The following SHISA9 variants were observed in gnomAD, a reference collection of about 807,000 sequenced individuals.
SHISA9 encodes shisa family member 9.
Under a neutral mutation model 38.0 loss-of-function variants are expected in SHISA9, and 13 were observed. The observed-to-expected ratio is 0.34, with a 90% CI of 0.22 to 0.54. The LOEUF (loss-of-function observed/expected upper bound fraction) is 0.54, where lower values mean the gene tolerates loss of function less well. Ranked by LOEUF, SHISA9 falls within the 20% of genes least tolerant of loss-of-function variation. The pLI is 0.91. For missense variants in SHISA9, 538 were observed against 575.8 expected (o/e 0.93, Z 0.67); for synonymous variants, 275 against 242.0 (o/e 1.14, Z -1.27).
the SHISA9 span, among the ~76,000 whole-genome samples, chr16:13,437,906 C>T: frequency 2.0e-5 from 3 of 148,614 alleles, no homozygotes; most frequent in Admixed American, 2.0e-4. Flanking sequence ...ACTGTTTTTG[C>T]CCAGGCTGGA....
the SHISA9 span, among the ~76,000 whole-genome samples, chr16:13,374,413 GTGTT>G: frequency 2.6e-5 from 4 of 152,120 alleles, no homozygotes; most frequent in African/African-American, 9.7e-5. Flanking sequence ...AGAACATGTG[GTGTT>G]TGTTTTTCTG....
At chr16:13,087,408 T>C (rs1356326064) in intron 2 of SHISA9, among the ~76,000 whole-genome samples, 2 of 152,102 alleles carry the variant, frequency 1.3e-5, no homozygotes, top group East Asian at 3.9e-4. Flanking sequence ...CACACTGTCT[T>C]CCACAATGGT....
At chr16:13,220,099 T>C (rs1175732327) in intron 4 of SHISA9, among the ~76,000 whole-genome samples, 1 of 152,212 alleles carries the variant, frequency 6.6e-6, no homozygotes, top group East Asian at 1.9e-4. Context: ...TAACCTCAAA[T>C]CTCATTGCTT....
rs139359755 is a variant in SHISA9, at chr16:12,921,519, T to C, written c.691+4704T>C. On this transcript the variant is annotated intron_variant, in intron 2 of 4. Transcript: ENST00000558583. Reference sequence around the variant, plus strand: ...GCTCAGACCTGTAGTCTCAGTGCTTTAGGAGGCAAAGGCGGGAGGATCGTT... The same window carrying C: ...GCTCAGACCTGTAGTCTCAGTGCTTCAGGAGGCAAAGGCGGGAGGATCGTT... Among the ~76,000 whole-genome samples, 20 of 152,280 alleles carry C rather than the reference T, an allele frequency of 1.3e-4. No individual in the cohort carries two copies. The East Asian group carries it at 3.9e-3, about 29-fold the overall frequency.
intron 2 of SHISA9, among the ~76,000 whole-genome samples, chr16:13,071,452 A>G (rs1308188634): frequency 6.6e-6 from 1 of 151,990 alleles, no homozygotes; most frequent in Non-Finnish European, 1.5e-5. Flanking sequence ...ACATTGAGAA[A>G]TTTCTAGAGG....
At chr16:12,928,724 C>G (rs916751990) in intron 2 of SHISA9, among the ~76,000 whole-genome samples, 1 of 152,172 alleles carries the variant, frequency 6.6e-6, no homozygotes, top group Admixed American at 6.5e-5. Flanking sequence ...TGTGCAAGGG[C>G]AGCATGTGGT....
intron 2 of SHISA9, among the ~76,000 whole-genome samples, chr16:13,019,812 CTTTCTTTCTTTCTTTCTTTCTTTT>C (rs1228159334): frequency 1.1e-4 from 16 of 140,180 alleles, no homozygotes; most frequent in Non-Finnish European, 1.4e-4. Context: ...TTCTTTCTTT[CTTTCTTTCTTTCTTTCTTTCTTTT>C]TCCTTCCTTC....
chr16:13,264,392 C>G, the SHISA9 span, among the ~76,000 whole-genome samples: 1 of 151,942 alleles, frequency 6.6e-6, no homozygotes, highest in Non-Finnish European at 1.5e-5. Flanking sequence ...AGTCTGGTCT[C>G]GAACTCCTGA....
At chr16:12,940,423 C>A (rs1199576989) in intron 2 of SHISA9, among the ~76,000 whole-genome samples, 1 of 148,934 alleles carries the variant, frequency 6.7e-6, no homozygotes, top group Non-Finnish European at 1.5e-5. Context: ...CTAGTCCCCC[C>A]ATAAATGACC....
intron 2 of SHISA9, among the ~76,000 whole-genome samples, chr16:13,099,690 G>T (rs1347773071): frequency 1.3e-5 from 2 of 152,164 alleles, no homozygotes; most frequent in African/African-American, 4.8e-5. Context: ...GGACGGGGTT[G>T]GTGGGGGCAG....
intron 2 of SHISA9, among the ~76,000 whole-genome samples, chr16:12,920,399 C>G (rs945120021): frequency 1.3e-5 from 2 of 151,736 alleles, no homozygotes; most frequent in African/African-American, 2.4e-5. Flanking sequence ...AAGATAGTAC[C>G]CAGAAAAATG....
At chr16:13,225,816 G>A (rs1057010677) in intron 4 of SHISA9, among the ~76,000 whole-genome samples, 1 of 152,192 alleles carries the variant, frequency 6.6e-6, no homozygotes, top group African/African-American at 2.4e-5. Context: ...TGCTAATTAA[G>A]AGAGAGACAG....
At position 13,213,435 on chromosome 16, in the gene SHISA9, CGTCT is replaced by C. The variant is rs1348270711; in HGVS notation, c.895+136_895+139del. 22 of 731,958 alleles carry C rather than the reference CGTCT, an allele frequency of 3.0e-5. No homozygotes were observed. The South Asian group carries it at 3.0e-4, about 10-fold the overall frequency. 45.3% of individuals were successfully genotyped at this position (731,958 alleles called of 1,614,324 possible). A position where few individuals can be genotyped will look rare whatever the true frequency, so the allele number is the denominator to read the frequency against. ...CTGCATAGGGTGGCATCTGCAAGTC[CGTCT>C]AAGTTCCAGTGTGTAGGTGTTTGTG... On this transcript the variant is annotated intron_variant, in intron 4 of 4. Transcript: ENST00000558583.
At chr16:13,023,194 G>A (rs531324531) in intron 2 of SHISA9, among the ~76,000 whole-genome samples, 1 of 151,444 alleles carries the variant, frequency 6.6e-6, no homozygotes, top group Non-Finnish European at 1.5e-5. Context: ...AACAGGCCCT[G>A]GTGTGTGATG....
At chr16:13,428,951 G>C in the SHISA9 span, among the ~76,000 whole-genome samples, 1 of 151,928 alleles carries the variant, frequency 6.6e-6, no homozygotes, top group South Asian at 2.1e-4. Flanking sequence ...TTTTTTAGTA[G>C]AGACCGGGTT....
At chr16:13,365,043 GTGATGATGATAATAAAAGTAATAATAA>G in the SHISA9 span, among the ~76,000 whole-genome samples, 1 of 152,200 alleles carries the variant, frequency 6.6e-6, no homozygotes, top group Non-Finnish European at 1.5e-5. Flanking sequence ...GATGATGGTG[GTGATGATGATAATAAAAGTAATAATAA>G]TAGCTGGCAG....
chr16:12,916,505 T>C (rs2071258927), intron 1 of SHISA9, among the ~76,000 whole-genome samples, 183 bp from the exon 2 acceptor site: 1 of 152,238 alleles, frequency 6.6e-6, no homozygotes, highest in African/African-American at 2.4e-5. Flanking sequence ...GTAAAGTCCC[T>C]ATGTAACCTC....
chr16:12,938,504 C>T lies in SHISA9; in HGVS notation c.691+21689C>T, dbSNP rs568651549. Among the ~76,000 whole-genome samples the T allele has an allele frequency of 2.4e-3, 365 of 149,424 alleles. 1 individual carries two copies. The highest frequency in any genetic ancestry group is 8.6e-3 in the African/African-American group (352 of 40,804). ...GGGCTAATTCTCTCTCTCTCTCTCT[C>T]TTTTTTTTTTGAGATGGAGTTTCAC... On this transcript the variant is annotated intron_variant, in intron 2 of 4. Transcript: ENST00000558583.
chr16:13,035,311 C>T (rs946788382), intron 2 of SHISA9, among the ~76,000 whole-genome samples: 2 of 152,116 alleles, frequency 1.3e-5, no homozygotes, highest in African/African-American at 4.8e-5. Context: ...GATTAAATGA[C>T]TCACAAGGGG....
Sources: allele counts gnomAD v4.1 joint callset (sites outside exome capture counted in the v4.1 genomes callset), GRCh38; gene constraint gnomAD v4.1.1; transcripts MANE v1.5; gene names NCBI Gene and HGNC (gene_info 2026-07-23, HGNC 2026-07-21).